Variants in MAD1L1 observed in about 807,000 individuals in gnomAD.
MAD1L1 encodes mitotic arrest deficient 1 like 1, also known as mitotic spindle assembly checkpoint protein MAD1.
A neutral mutation model predicts 96.9 loss-of-function variants in MAD1L1; 95 were observed. The observed-to-expected ratio is 0.98, with a 90% CI of 0.83 to 1.16. The LOEUF (loss-of-function observed/expected upper bound fraction) is 1.16. MAD1L1 is among the 50% of genes most tolerant of loss of function. The pLI, the probability that MAD1L1 is intolerant of heterozygous loss-of-function variation, is 0.00. For synonymous variants in MAD1L1, 473 were observed against 396.6 expected (o/e 1.19, Z -2.29); for missense variants, 1,007 against 954.4 (o/e 1.06, Z -0.73).
chr7:1,936,559 G>T, intron 17 of MAD1L1, 128 bp downstream of exon 17: 1 of 962,388 alleles, frequency 1.0e-6, no homozygotes, highest in Non-Finnish European at 1.5e-6. Context: ...AGACCCGGCT[G>T]CCCACAGGGG....
At chr7:2,223,843 C>CA (rs879920523) in intron 4 of MAD1L1, among the ~76,000 whole-genome samples, 1 of 77,798 alleles carries the variant, frequency 1.3e-5, no homozygotes, top group African/African-American at 8.0e-5. Flanking sequence ...ACTTAAGTCT[C>CA]GCCCCTAATA....
chr7:2,102,330 A>G (rs1414430135), intron 11 of MAD1L1, among the ~76,000 whole-genome samples: 1 of 145,964 alleles, frequency 6.9e-6, no homozygotes, highest in Non-Finnish European at 1.5e-5. Context: ...CGCCGTCACC[A>G]TCACCATCAC....
At chr7:2,205,704 G>A (rs1230461849) in intron 10 of MAD1L1, among the ~76,000 whole-genome samples, 2 of 152,214 alleles carry the variant, frequency 1.3e-5, no homozygotes, top group Non-Finnish European at 2.9e-5. Context: ...CGTTCTCAGT[G>A]CATTGGCTTT....
chr7:2,047,126 A>C (rs1783959881), intron 12 of MAD1L1, among the ~76,000 whole-genome samples: 1 of 152,134 alleles, frequency 6.6e-6, no homozygotes, highest in Non-Finnish European at 1.5e-5. Flanking sequence ...CCAGATTCTC[A>C]GGTTCTACAA....
intron 18 of MAD1L1, among the ~76,000 whole-genome samples, chr7:1,856,519 G>A (rs763663475): frequency 1.2e-4 from 19 of 152,220 alleles, no homozygotes; most frequent in Admixed American, 3.9e-4. Context: ...TGCTGGCTAC[G>A]AGCAGGTAAT....
chr7:2,195,465 G>A (rs1791939244), intron 10 of MAD1L1, among the ~76,000 whole-genome samples: 3 of 152,200 alleles, frequency 2.0e-5, no homozygotes, highest in South Asian at 2.1e-4. Context: ...AGAATTGTGT[G>A]TCAAAATGTC....
chr7:2,102,325 TCACCATCACCATCACCACCGC>T (rs1786842875), intron 11 of MAD1L1, among the ~76,000 whole-genome samples: 3 of 102,580 alleles, frequency 2.9e-5, no homozygotes, highest in South Asian at 7.6e-4. Flanking sequence ...ATCACCGCCG[TCACCATCACCATCACCACCGC>T]CACCATCACC....
chr7:2,177,144 A>C (rs1307501419), intron 10 of MAD1L1, among the ~76,000 whole-genome samples: 1 of 152,262 alleles, frequency 6.6e-6, no homozygotes, highest in East Asian at 1.9e-4. Flanking sequence ...AGTCTGGTCA[A>C]GTTTTTCTGT....
chr7:2,160,329 A>ATT (rs58004689), intron 10 of MAD1L1, among the ~76,000 whole-genome samples: 19 of 109,676 alleles, frequency 1.7e-4, no homozygotes, highest in African/African-American at 2.1e-4. Flanking sequence ...ACTGGATCCT[A>ATT]TTTTTTTTTT....
chr7:1,902,401 C>T (rs1462814610), intron 17 of MAD1L1, among the ~76,000 whole-genome samples: 1 of 152,208 alleles, frequency 6.6e-6, no homozygotes, highest in East Asian at 1.9e-4. Context: ...CAGCACACAG[C>T]TGTGACCCAC....
At chr7:2,063,843 T>G (rs1784766182) in intron 12 of MAD1L1, among the ~76,000 whole-genome samples, 1 of 152,104 alleles carries the variant, frequency 6.6e-6, no homozygotes. Context: ...CTCAGCTCCC[T>G]CGGGGCAGCC....
At chr7:2,042,969 G>A (rs11766468) in intron 12 of MAD1L1, among the ~76,000 whole-genome samples, 21,039 of 152,122 alleles carry the variant, frequency 0.14, 1,796 homozygotes, top group Middle Eastern at 0.27. Context: ...GCCACAGGCC[G>A]ACCCCGTGAA....
chr7:1,816,401 G>A (rs1781808363), intron 18 of MAD1L1, among the ~76,000 whole-genome samples, 173 bp from the exon 19 acceptor site: 1 of 152,146 alleles, frequency 6.6e-6, no homozygotes, highest in Admixed American at 6.5e-5. Flanking sequence ...TCACCTAAAG[G>A]GACTGAATTA....
intron 14 of MAD1L1, among the ~76,000 whole-genome samples, chr7:1,992,216 G>A (rs967293984): frequency 5.9e-5 from 9 of 151,938 alleles, no homozygotes; most frequent in African/African-American, 1.7e-4. Flanking sequence ...CCACCAGAGC[G>A]CCACTGCTCT....
At chr7:1,864,118 G>A (rs1013646762) in intron 18 of MAD1L1, among the ~76,000 whole-genome samples, 1 of 152,240 alleles carries the variant, frequency 6.6e-6, no homozygotes, top group African/African-American at 2.4e-5. Context: ...GGACGGGGCG[G>A]CCCTGCGGAG....
chr7:2,007,631 G>A (rs560876798), intron 13 of MAD1L1, among the ~76,000 whole-genome samples: 11 of 152,320 alleles, frequency 7.2e-5, no homozygotes, highest in South Asian at 4.1e-4. Flanking sequence ...CCAAGATCAC[G>A]CCACTACATT....
intron 11 of MAD1L1, among the ~76,000 whole-genome samples, chr7:2,084,406 T>C (rs1785807242): frequency 6.6e-6 from 1 of 152,128 alleles, no homozygotes. Context: ...GGGCAGAGCA[T>C]GCGAGTGGCG....
At chr7:1,909,334 G>A (rs1287698350) in intron 17 of MAD1L1, among the ~76,000 whole-genome samples, 5 of 152,302 alleles carry the variant, frequency 3.3e-5, no homozygotes, top group East Asian at 1.9e-4. Flanking sequence ...GCCCAATGCC[G>A]AGCCAGGCTT....
intron 10 of MAD1L1, among the ~76,000 whole-genome samples, chr7:2,150,123 C>T (rs570430846): frequency 6.6e-6 from 1 of 152,312 alleles, no homozygotes; most frequent in Non-Finnish European, 1.5e-5. Flanking sequence ...CGCACCGCAC[C>T]ACTGAATGAG....
Sources: gnomAD v4.1 joint callset for allele counts (sites outside exome capture counted in the v4.1 genomes callset) on GRCh38, gnomAD v4.1.1 for gene constraint, MANE v1.5 for transcripts, NCBI Gene and HGNC (gene_info 2026-07-23, HGNC 2026-07-21) for gene names.